PIN4: variants seen among roughly 807,000 people sequenced by gnomAD.
PIN4 encodes peptidyl-prolyl cis-trans isomerase NIMA-interacting 4.
A neutral mutation model predicts 8.3 loss-of-function variants in PIN4; 3 were observed. The observed-to-expected ratio is 0.36, with a 90% CI of 0.16 to 0.93. PIN4 has a LOEUF of 0.93. PIN4 is among the 40% of genes least tolerant of loss of function. The probability of loss-of-function intolerance (pLI) is 0.44; values close to 1 mark genes in which losing one functional copy is unlikely to be tolerated. For missense variants in PIN4, 75 were observed against 100.6 expected, an observed-to-expected ratio of 0.75 and a Z score of 1.09; for synonymous variants, 18 against 32.5, an observed-to-expected ratio of 0.55 and a Z score of 1.52.
intron 3 of PIN4, among the ~76,000 whole-genome samples, chrX:72,241,365 A>G (rs1431350113): frequency 9.0e-6 from 1 of 111,195 alleles, no homozygotes; most frequent in African/African-American, 3.3e-5. Context: ...CTGCTTTCCT[A>G]CCATGTAAGG....
intron 3 of PIN4, chrX:72,207,966 T>C (rs142293032): frequency 6.6e-6 from 8 of 1,209,445 alleles, no homozygotes; most frequent in Non-Finnish European, 7.8e-6. Context: ...ATAGGGACCA[T>C]AGTTCTTGTA....
chrX:72,205,938 T>C, intron 3 of PIN4: 1 of 1,211,333 alleles, frequency 8.3e-7, no homozygotes, highest in African/African-American at 1.7e-5. Context: ...GTGAAGATGC[T>C]GAAGGTTCCT....
At chrX:72,235,760 A>T (rs1477296497) in intron 3 of PIN4, among the ~76,000 whole-genome samples, 1 of 111,318 alleles carries the variant, frequency 9.0e-6, no homozygotes, top group East Asian at 2.8e-4. Flanking sequence ...TCCCTATTTT[A>T]GGGTCAGCTG....
intron 3 of PIN4, chrX:72,204,883 G>T: frequency 2.0e-6 from 1 of 490,395 alleles, no homozygotes; most frequent in Non-Finnish European, 3.2e-6. Flanking sequence ...GCGTTGCAGG[G>T]CAGAAGTTGC....
downstream of PIN4, chrX:72,198,675 T>C (rs917876349): frequency 1.8e-5 from 2 of 111,169 alleles, no homozygotes; most frequent in African/African-American, 6.5e-5. Flanking sequence ...GCCAATCGGG[T>C]GTCAGCACTA....
chrX:72,205,071 T>A (rs2042808460), intron 3 of PIN4: 1 of 1,210,643 alleles, frequency 8.3e-7, no homozygotes, highest in East Asian at 3.0e-5. Context: ...CTTCAGGATC[T>A]GCACTTTTTA....
At chrX:72,194,656 C>T (rs755868267) in intron 2 of PIN4, among the ~76,000 whole-genome samples, 115 of 99,408 alleles carry the variant, frequency 1.2e-3, no homozygotes, top group Non-Finnish European at 1.8e-3. Context: ...GAGCCAAGAT[C>T]GCATCATTGC....
At chrX:72,248,291 GAAAAAAAAAAAAAAAAAAAAAA>G (rs55908553) in intron 3 of PIN4, among the ~76,000 whole-genome samples, 98 of 54,900 alleles carry the variant, frequency 1.8e-3, no homozygotes, top group Non-Finnish European at 3.2e-3. Flanking sequence ...GCTCCATCCA[GAAAAAAAAAAAAAAAAAAAAAA>G]AAAAAAAAAA....
intron 3 of PIN4, among the ~76,000 whole-genome samples, chrX:72,254,768 T>C (rs894288311): frequency 4.4e-5 from 5 of 112,862 alleles, no homozygotes; most frequent in African/African-American, 1.6e-4. Flanking sequence ...AAATATCCTG[T>C]GTCATTGCAG....
intron 3 of PIN4, among the ~76,000 whole-genome samples, chrX:72,250,487 T>C: frequency 9.1e-6 from 1 of 110,372 alleles, no homozygotes; most frequent in East Asian, 2.8e-4. Flanking sequence ...ACATATTCCA[T>C]TGTAAAGGTG....
chrX:72,230,036 G>A (rs1212897428), intron 3 of PIN4, among the ~76,000 whole-genome samples: 7 of 109,663 alleles, frequency 6.4e-5, no homozygotes, highest in African/African-American at 1.7e-4. Context: ...TTGGCTGGGC[G>A]TGGTGGTGGG....
intron 3 of PIN4, among the ~76,000 whole-genome samples, chrX:72,226,019 T>C (rs1038149957): frequency 2.7e-5 from 3 of 111,740 alleles, no homozygotes; most frequent in Non-Finnish European, 1.9e-5. Context: ...CTTTTCACAG[T>C]CTGCAAAATA....
intron 3 of PIN4, among the ~76,000 whole-genome samples, chrX:72,256,997 CAA>C (rs2043113941): frequency 8.9e-6 from 1 of 112,076 alleles, no homozygotes; most frequent in Middle Eastern, 4.6e-3. Context: ...ACAAATGAAA[CAA>C]GAGTCACTGA....
At chrX:72,243,437 C>A (rs889950775) in intron 3 of PIN4, among the ~76,000 whole-genome samples, 8 of 108,028 alleles carry the variant, frequency 7.4e-5, no homozygotes, top group Non-Finnish European at 1.1e-4. Flanking sequence ...TATTTTCAGA[C>A]AAAATGATAT....
At chrX:72,227,836 T>C (rs761291899) in intron 3 of PIN4, among the ~76,000 whole-genome samples, 1 of 112,468 alleles carries the variant, frequency 8.9e-6, no homozygotes, top group East Asian at 2.8e-4. Context: ...GCAAAATTTA[T>C]TCAAAGACCT....
chrX:72,253,504 TAGTCCC>T (rs1308275843), intron 3 of PIN4, among the ~76,000 whole-genome samples: 1 of 110,813 alleles, frequency 9.0e-6, no homozygotes, highest in Non-Finnish European at 1.9e-5. Flanking sequence ...TGTGCGCCTG[TAGTCCC>T]AGCTACTGGG....
chrX:72,193,872 CAA>C (rs757224920), intron 2 of PIN4, among the ~76,000 whole-genome samples: 6 of 47,426 alleles, frequency 1.3e-4, no homozygotes, highest in Admixed American at 2.6e-4. Context: ...GACTTCATCT[CAA>C]AAAAAAAAAA....
At chrX:72,208,228 C>G (rs1391739315) in intron 3 of PIN4, 2 of 1,211,463 alleles carry the variant, frequency 1.7e-6, no homozygotes, top group South Asian at 3.5e-5. Flanking sequence ...TTCATCCTTG[C>G]TAGGACCATG....
At chrX:72,211,155 A>T (rs1198963897) in intron 3 of PIN4, among the ~76,000 whole-genome samples, 4 of 111,585 alleles carry the variant, frequency 3.6e-5, no homozygotes, top group African/African-American at 1.3e-4. Flanking sequence ...GTAATGATTT[A>T]TCCATCTATA....
Sources: gnomAD v4.1 joint callset for allele counts (sites outside exome capture counted in the v4.1 genomes callset) on GRCh38, gnomAD v4.1.1 for gene constraint, MANE v1.5 for transcripts, NCBI Gene and HGNC (gene_info 2026-07-23, HGNC 2026-07-21) for gene names.